The following PCDHA11 variants were observed in gnomAD, a reference collection of about 807,000 sequenced individuals.
The protein encoded by PCDHA11 is protocadherin alpha 11, also known as protocadherin alpha-11.
PCDHA11 carries 61 observed loss-of-function variants against 70.3 expected under a neutral mutation model. The ratio of observed to expected loss-of-function variants is 0.87; its 90% CI spans 0.71 to 1.07. PCDHA11 has a LOEUF of 1.07. Ranked by LOEUF, PCDHA11 falls within the 50% of genes least tolerant of loss-of-function variation. PCDHA11 has a pLI of 0.00. For missense variants in PCDHA11, 1,324 were observed against 1,237.5 expected, an observed-to-expected ratio of 1.07 and a Z score of -1.05; for synonymous variants, 633 against 555.1, an observed-to-expected ratio of 1.14 and a Z score of -1.97.
At chr5:140,943,688 G>A (rs2093547294) in intron 1 of PCDHA11, among the ~76,000 whole-genome samples, 1 of 152,170 alleles carries the variant, frequency 6.6e-6, no homozygotes. Context: ...AAGGGATAAG[G>A]TCAAAATATT....
At chr5:140,877,332 C>G (rs2057040352) in intron 1 of PCDHA11, 16 of 1,613,990 alleles carry the variant, frequency 9.9e-6, no homozygotes, top group Non-Finnish European at 1.4e-5. Flanking sequence ...GCGCGCACAT[C>G]CCGTTCCACG....
chr5:140,898,079 C>G (rs1179252797), intron 1 of PCDHA11, among the ~76,000 whole-genome samples: 2 of 151,984 alleles, frequency 1.3e-5, no homozygotes, highest in East Asian at 1.9e-4. Context: ...ATTGTAGATT[C>G]TGGATATTAG....
At chr5:140,883,760 CG>C (rs1160842473) in intron 1 of PCDHA11, 1 of 1,612,672 alleles carries the variant, frequency 6.2e-7, no homozygotes, top group Non-Finnish European at 8.5e-7. Context: ...GGTGGAGCGG[CG>C]GGTGGGCGAG....
chr5:140,946,828 G>A (rs246052), intron 1 of PCDHA11, among the ~76,000 whole-genome samples: 84,737 of 150,610 alleles, frequency 0.56, 24,429 homozygotes, highest in African/African-American at 0.69. Context: ...CCAGAGATGG[G>A]TAGGGCAGTA....
At chr5:140,990,367 A>G (rs1162635749) in intron 3 of PCDHA11, among the ~76,000 whole-genome samples, 1 of 152,104 alleles carries the variant, frequency 6.6e-6, no homozygotes, top group Non-Finnish European at 1.5e-5. Context: ...AATCTAATAA[A>G]GCAAATTTGT....
At chr5:140,898,624 A>G (rs1374108541) in intron 1 of PCDHA11, among the ~76,000 whole-genome samples, 13 of 152,248 alleles carry the variant, frequency 8.5e-5, no homozygotes, top group African/African-American at 2.6e-4. Flanking sequence ...CAGGTAGCAT[A>G]ATGCCTCCAG....
intron 1 of PCDHA11, among the ~76,000 whole-genome samples, chr5:140,910,650 C>T (rs565503828): frequency 6.6e-6 from 1 of 152,312 alleles, no homozygotes; most frequent in East Asian, 1.9e-4. Flanking sequence ...CCTTTTGATC[C>T]CTTCCTCTAC....
chr5:140,926,997 C>G (rs782110120), intron 1 of PCDHA11: 4 of 1,612,104 alleles, frequency 2.5e-6, no homozygotes, highest in African/African-American at 2.7e-5. Flanking sequence ...GGGGCGTAGC[C>G]GTAGGCAATC....
At chr5:140,961,981 T>G (rs1408145304) in intron 1 of PCDHA11, among the ~76,000 whole-genome samples, 1 of 152,076 alleles carries the variant, frequency 6.6e-6, no homozygotes, top group African/African-American at 2.4e-5. Context: ...CCTCCTGGGT[T>G]CACGCCATTG....
chr5:140,897,199 A>G (rs760377746), intron 1 of PCDHA11, among the ~76,000 whole-genome samples: 1 of 152,030 alleles, frequency 6.6e-6, no homozygotes, highest in Admixed American at 6.6e-5. Flanking sequence ...TTTTTTTATT[A>G]TACTTTAAGT....
intron 1 of PCDHA11, chr5:140,877,261 G>T: frequency 6.2e-7 from 1 of 1,613,814 alleles, no homozygotes; most frequent in South Asian, 1.1e-5. Context: ...AGTGCGCGCG[G>T]TGGACGCTGA....
chr5:140,899,962 C>G (rs1562916347), intron 1 of PCDHA11, among the ~76,000 whole-genome samples: 1 of 152,064 alleles, frequency 6.6e-6, no homozygotes, highest in African/African-American at 2.4e-5. Flanking sequence ...CATGTGCTGC[C>G]ATGCCCAGCT....
At position 140,929,035 on chromosome 5, in the gene PCDHA11, G is replaced by T. The variant is rs6877058; in HGVS notation, c.2392-49914G>T. 2.5e-3 allele frequency: 4,027 copies of T among 1,614,128 alleles called. 64 individuals are homozygous for T. In the African/African-American group the frequency reaches 0.039, roughly 15 times the overall value. On this transcript the variant is annotated intron_variant, in intron 1 of 3. Coordinates refer to ENST00000398640, the MANE Select transcript of PCDHA11 (RefSeq NM_018902.5). The stretch of plus-strand genomic sequence containing the variant: ...GTTGCACCAGAGCCCAGGCTGTTGC[G>T]CTCAGAGCTGCTGTCGCTCTACAGA...
intron 1 of PCDHA11, among the ~76,000 whole-genome samples, chr5:140,917,334 G>A (rs1466426021): frequency 1.4e-5 from 2 of 147,744 alleles, no homozygotes; most frequent in Admixed American, 1.4e-4. Flanking sequence ...CGGGGGAGGG[G>A]GGGGATGGTG....
At chr5:140,968,877 T>A in intron 1 of PCDHA11, 1 of 1,614,226 alleles carries the variant, frequency 6.2e-7, no homozygotes, top group South Asian at 1.1e-5. Flanking sequence ...TACTCTGAAA[T>A]TACCCTTTAT....
chr5:140,869,694 GA>G lies in PCDHA11; in HGVS notation c.593del (p.Lys198SerfsTer15). On this transcript the variant is annotated frameshift_variant, in exon 1 of 4. Transcript: ENST00000398640. LOFTEE classifies it high-confidence loss of function. ...TTAAAAGACTGTCACTTATTTTAAAGAAGTCTCTGGATAGAGAGAAAACTCC... is the reference window on the plus strand; with the variant it reads ...TTAAAAGACTGTCACTTATTTTAAAGAGTCTCTGGATAGAGAGAAAACTCC... The part of the protein sequence containing the change: ...QIKRLSLILK[K>X]SLDREKTPEL... 6.2e-7 allele frequency: 1 copy of G among 1,613,394 alleles called. No individual in the cohort carries two copies. Among genetic ancestry groups the G allele is most frequent in the Non-Finnish European group, 8.5e-7 (1 of 1,179,866 alleles).
At chr5:140,928,625 A>C in intron 1 of PCDHA11, 1 of 1,614,224 alleles carries the variant, frequency 6.2e-7, no homozygotes, top group Non-Finnish European at 8.5e-7. Flanking sequence ...AGGACTGGAC[A>C]CTTGGTCACA....
At chr5:140,967,405 G>A in intron 1 of PCDHA11, 1 of 1,612,164 alleles carries the variant, frequency 6.2e-7, no homozygotes, top group Non-Finnish European at 8.5e-7. Context: ...TGCTGCGTAA[G>A]GGCCTAGACC....
chr5:140,963,395 C>T (rs544819387), intron 1 of PCDHA11, among the ~76,000 whole-genome samples: 4 of 152,322 alleles, frequency 2.6e-5, no homozygotes, highest in African/African-American at 7.2e-5. Flanking sequence ...AAGCTCCCTA[C>T]TGGATGCTGT....
Sources: allele counts gnomAD v4.1 joint callset (sites outside exome capture counted in the v4.1 genomes callset), GRCh38; gene constraint gnomAD v4.1.1; transcripts MANE v1.5; gene names NCBI Gene and HGNC (gene_info 2026-07-23, HGNC 2026-07-21).